The following SMURF2 variants were observed in gnomAD, a reference collection of about 807,000 sequenced individuals.
The protein encoded by SMURF2 is SMAD specific E3 ubiquitin protein ligase 2.
Under a neutral mutation model 109.6 loss-of-function variants are expected in SMURF2, and 48 were observed. That is an observed-to-expected ratio of 0.44 (90% CI 0.35 to 0.56). The LOEUF is 0.56. Among genes scored for constraint, SMURF2 ranks in the 20% least tolerant of loss-of-function variants. The pLI is 0.01. For missense variants in SMURF2, 575 were observed against 909.0 expected (o/e 0.63, Z 4.72); for synonymous variants, 288 against 317.1 (o/e 0.91, Z 0.97).
rs372271248 is a variant in SMURF2 at position 64,600,603 on chromosome 17, G to A, written c.92-2113C>T. Among the ~76,000 whole-genome samples the A allele has an allele frequency of 1.5e-3, 225 of 152,264 alleles. 2 individuals are homozygous for A. In the South Asian group the frequency reaches 0.044, roughly 29 times the overall value. On this transcript the variant is annotated intron_variant, in intron 2 of 18. Transcript: ENST00000262435. ...AATAAAGGAGGACCAAAATTTAGGC[G>A]TTAAGTTTCAAAGAAACTTGGTAAG... is the stretch of plus-strand genomic sequence containing the variant.
chr17:64,657,814 G>C (rs557868371), intron 1 of SMURF2, among the ~76,000 whole-genome samples: 64 of 151,950 alleles, frequency 4.2e-4, no homozygotes, highest in African/African-American at 1.4e-3. Context: ...ATGTTAGTAT[G>C]TTGTGATAGT....
Position 64,581,209 on chromosome 17 carries a change from T to A in SMURF2, c.570-218A>T, listed in dbSNP as rs1386811968. On this transcript the variant is annotated intron_variant, in intron 7 of 18. Coordinates refer to ENST00000262435, the MANE Select transcript of SMURF2 (RefSeq NM_022739.4). This position sits in a 1 kb window ranked among gnomAD's most constrained non-coding sequence, Gnocchi z 4.3. ...TGATAAGCATGTCATCAACTATGTA[T>A]TTAAATGACTTTAATGACATTTGAT... Among the ~76,000 whole-genome samples the A allele has an allele frequency of 2.0e-5, 3 of 152,214 alleles. No homozygotes were observed. The highest frequency in any genetic ancestry group is 1.9e-4 in the East Asian group (1 of 5,192).
chr17:64,603,427 C>CA (rs2144670544), intron 2 of SMURF2, among the ~76,000 whole-genome samples: 1 of 151,530 alleles, frequency 6.6e-6, no homozygotes. Context: ...ACTAAAAATA[C>CA]AAAAATTAGC....
intron 1 of SMURF2, among the ~76,000 whole-genome samples, chr17:64,656,124 T>C (rs973159986): frequency 8.5e-5 from 13 of 152,208 alleles, no homozygotes; most frequent in African/African-American, 3.1e-4. Context: ...TTAAATATAA[T>C]GTACTTATTT....
At chr17:64,639,218 T>C (rs1326565538) in intron 1 of SMURF2, among the ~76,000 whole-genome samples, 2 of 152,140 alleles carry the variant, frequency 1.3e-5, no homozygotes, top group African/African-American at 2.4e-5. Context: ...AATAAAACTT[T>C]TTAAAAATTA....
intron 4 of SMURF2, chr17:64,593,083 T>A (rs1161743024): frequency 6.5e-6 from 1 of 152,750 alleles, no homozygotes; most frequent in Non-Finnish European, 1.5e-5. Context: ...TTAAAAGGCA[T>A]ATACATCCTG....
intron 10 of SMURF2, among the ~76,000 whole-genome samples, chr17:64,565,665 C>T (rs953557461): frequency 2.6e-5 from 4 of 151,666 alleles, no homozygotes; most frequent in Non-Finnish European, 5.9e-5. Flanking sequence ...CCAGCTCTAG[C>T]ACCTTTTATG....
chr17:64,568,917 G>A (rs1555685342), intron 10 of SMURF2, among the ~76,000 whole-genome samples: 1 of 151,826 alleles, frequency 6.6e-6, no homozygotes, highest in African/African-American at 2.4e-5. Context: ...CAGGAGAATC[G>A]CTTGAACCCA....
chr17:64,549,424 C>A (rs1969007898), intron 16 of SMURF2, among the ~76,000 whole-genome samples: 1 of 151,734 alleles, frequency 6.6e-6, no homozygotes, highest in African/African-American at 2.4e-5. Flanking sequence ...GCCTAGGCAA[C>A]AGAGTGAGAC....
At chr17:64,611,443 C>T (rs1054600533) in intron 1 of SMURF2, among the ~76,000 whole-genome samples, 7 of 152,132 alleles carry the variant, frequency 4.6e-5, no homozygotes, top group African/African-American at 1.4e-4. Flanking sequence ...CCAAAAATCA[C>T]GTCTTCCCCG....
At chr17:64,638,532 T>C (rs1970452706) in intron 1 of SMURF2, among the ~76,000 whole-genome samples, 1 of 152,232 alleles carries the variant, frequency 6.6e-6, no homozygotes, top group Non-Finnish European at 1.5e-5. Context: ...AAAGTTTTCT[T>C]TTAGCACAGG....
intron 15 of SMURF2, among the ~76,000 whole-genome samples, chr17:64,554,169 C>T (rs1269610830): frequency 6.6e-6 from 1 of 152,192 alleles, no homozygotes; most frequent in Non-Finnish European, 1.5e-5. Flanking sequence ...TGAATTGCCA[C>T]CTGTGATAGC....
chr17:64,564,102 C>T (rs1218780089), intron 10 of SMURF2, among the ~76,000 whole-genome samples: 1 of 152,164 alleles, frequency 6.6e-6, no homozygotes, highest in African/African-American at 2.4e-5. Flanking sequence ...CCAAAGAAGC[C>T]ATTCTACTCC....
intron 1 of SMURF2, among the ~76,000 whole-genome samples, chr17:64,633,270 AAAAAC>A (rs1340040246): frequency 1.3e-5 from 2 of 152,246 alleles, no homozygotes; most frequent in African/African-American, 2.4e-5. Context: ...ACCCTGTTTC[AAAAAC>A]AAAACAAAAC....
chr17:64,543,188 G>A lies in SMURF2; in HGVS notation c.*2660C>T, dbSNP rs1968898464. ...CTTAGCACCTATTTGGAAGTAATCG[G>A]GTAATGTAACTTTGAAATGGAAATC... On this transcript the variant is annotated 3_prime_UTR_variant, in exon 19 of 19. Transcript: ENST00000262435. The A allele has an allele frequency of 6.6e-6, 1 of 152,064 alleles. No homozygotes were observed. Among genetic ancestry groups the A allele is most frequent in the African/African-American group, 2.4e-5 (1 of 41,392 alleles). The allele number at this position is 152,064 out of a possible 1,614,324, so 9.4% of individuals were successfully genotyped here. A position where few individuals can be genotyped will look rare whatever the true frequency, so the allele number is the denominator to read the frequency against.
intron 10 of SMURF2, among the ~76,000 whole-genome samples, chr17:64,564,793 C>A (rs1343158110): frequency 1.3e-5 from 2 of 152,202 alleles, no homozygotes; most frequent in Non-Finnish European, 2.9e-5. Flanking sequence ...GAGTCAGCCC[C>A]TTACCCTGTA....
At chr17:64,551,875 G>C (rs2144589834) in intron 15 of SMURF2, among the ~76,000 whole-genome samples, 171 bp from the exon 16 acceptor site, 1 of 152,266 alleles carries the variant, frequency 6.6e-6, no homozygotes, top group Middle Eastern at 3.4e-3. Flanking sequence ...GAACCCTGAG[G>C]TGTGACACAG....
chr17:64,647,033 T>C (rs1555693031), intron 1 of SMURF2, among the ~76,000 whole-genome samples: 1 of 152,220 alleles, frequency 6.6e-6, no homozygotes, highest in East Asian at 1.9e-4. Flanking sequence ...ACTGTGGTTA[T>C]TTCATCCATC....
At chr17:64,625,821 T>C (rs1173104178) in intron 1 of SMURF2, among the ~76,000 whole-genome samples, 1 of 152,206 alleles carries the variant, frequency 6.6e-6, no homozygotes, top group African/African-American at 2.4e-5. Flanking sequence ...AATGGCTCTC[T>C]ACTTTTAGGG....
Sources: gnomAD v4.1 joint callset for allele counts (sites outside exome capture counted in the v4.1 genomes callset) on GRCh38, gnomAD v4.1.1 for gene constraint, Gnocchi (gnomAD v3.1) non-coding constraint, MANE v1.5 for transcripts, NCBI Gene and HGNC (gene_info 2026-07-23, HGNC 2026-07-21) for gene names.